The following DLG2 variants were observed in gnomAD, a reference collection of about 807,000 sequenced individuals.
DLG2 encodes the protein disks large homolog 2.
A neutral mutation model predicts 132.5 loss-of-function variants in DLG2; 45 were observed. The observed-to-expected ratio is 0.34, with a 90% CI of 0.27 to 0.44. The LOEUF (loss-of-function observed/expected upper bound fraction) is 0.44, where lower values mean the gene tolerates loss of function less well. Ranked by LOEUF, DLG2 falls within the 20% of genes least tolerant of loss-of-function variation. DLG2 has a pLI of 1.00. For missense variants in DLG2, 1,045 were observed against 1,196.9 expected (o/e 0.87, Z 1.87); for synonymous variants, 424 against 419.6 (o/e 1.01, Z -0.13).
chr11:84,236,239 A>C (rs1460322428), intron 8 of DLG2, among the ~76,000 whole-genome samples: 1 of 152,244 alleles, frequency 6.6e-6, no homozygotes, highest in East Asian at 1.9e-4. Context: ...CCATCGAATA[A>C]ACCTGAGTTA....
chr11:84,051,535 A>T (rs181211379), intron 11 of DLG2, among the ~76,000 whole-genome samples: 1 of 150,702 alleles, frequency 6.6e-6, no homozygotes, highest in Admixed American at 6.6e-5. Context: ...CAAAATACCA[A>T]ACACTGCATG....
chr11:84,163,842 A>G (rs1377081774), intron 8 of DLG2, among the ~76,000 whole-genome samples: 3 of 152,214 alleles, frequency 2.0e-5, no homozygotes, highest in Non-Finnish European at 2.9e-5. Context: ...AATTATGAGG[A>G]AAATAATTTT....
chr11:85,416,305 C>G (rs1257892239), intron 3 of DLG2, among the ~76,000 whole-genome samples: 1 of 152,092 alleles, frequency 6.6e-6, no homozygotes, highest in East Asian at 1.9e-4. Context: ...GTCTATACAT[C>G]TGTTTTGGTA....
intron 3 of DLG2, among the ~76,000 whole-genome samples, chr11:85,590,636 T>C (rs925267992): frequency 3.3e-5 from 5 of 150,354 alleles, no homozygotes; most frequent in Admixed American, 3.3e-4. Context: ...TTTTATATTC[T>C]CTCTCTCTCT....
chr11:83,583,977 T>C (rs1267605142), intron 19 of DLG2, among the ~76,000 whole-genome samples: 1 of 152,222 alleles, frequency 6.6e-6, no homozygotes, highest in African/African-American at 2.4e-5. Context: ...ATCTGTATTT[T>C]TTTTCTATAA....
At chr11:84,579,508 C>T (rs1033380519) in intron 6 of DLG2, among the ~76,000 whole-genome samples, 2 of 152,044 alleles carry the variant, frequency 1.3e-5, no homozygotes, top group Admixed American at 1.3e-4. Context: ...AGAGGGAGAA[C>T]ATTTCAAGAA....
intron 6 of DLG2, among the ~76,000 whole-genome samples, chr11:85,073,506 G>T (rs539437846): frequency 3.3e-5 from 5 of 151,964 alleles, no homozygotes; most frequent in East Asian, 3.9e-4. Flanking sequence ...AATGGTGGTA[G>T]TAAGTATTGT....
At chr11:85,340,194 G>A (rs2082389716) in intron 3 of DLG2, among the ~76,000 whole-genome samples, 1 of 152,172 alleles carries the variant, frequency 6.6e-6, no homozygotes, top group African/African-American at 2.4e-5. Flanking sequence ...GCACACATAT[G>A]TTTATTGTGG....
At chr11:84,640,988 T>A (rs531124707) in intron 6 of DLG2, among the ~76,000 whole-genome samples, 2 of 152,040 alleles carry the variant, frequency 1.3e-5, no homozygotes, top group Admixed American at 1.3e-4. Flanking sequence ...ACTATTGATT[T>A]GGAAAATTTT....
intron 14 of DLG2, among the ~76,000 whole-genome samples, chr11:83,959,838 A>G (rs879683637): frequency 8.5e-5 from 13 of 152,116 alleles, no homozygotes; most frequent in Non-Finnish European, 1.3e-4. Flanking sequence ...GAATTTTTTA[A>G]TCTGTAAAAA....
chr11:85,401,117 G>A (rs761349841), intron 3 of DLG2, among the ~76,000 whole-genome samples: 34 of 151,910 alleles, frequency 2.2e-4, no homozygotes, highest in Non-Finnish European at 4.3e-4. Context: ...AAATCCAGCA[G>A]CACATCAAAA....
chr11:83,661,043 T>C (rs1457950004), intron 18 of DLG2, among the ~76,000 whole-genome samples: 1 of 152,156 alleles, frequency 6.6e-6, no homozygotes, highest in Non-Finnish European at 1.5e-5. Context: ...ATCATGTTCT[T>C]TGCATGATGC....
intron 9 of DLG2, among the ~76,000 whole-genome samples, chr11:84,115,066 C>T: frequency 6.6e-6 from 1 of 152,042 alleles, no homozygotes; most frequent in Non-Finnish European, 1.5e-5. Flanking sequence ...AATGCAAGGC[C>T]CATTGGCAGT....
At chr11:84,257,727 T>C (rs932933426) in intron 7 of DLG2, among the ~76,000 whole-genome samples, 12 of 146,648 alleles carry the variant, frequency 8.2e-5, no homozygotes, top group African/African-American at 3.0e-4. Context: ...TACCTTGTCA[T>C]GCAGGCTGGA....
intron 6 of DLG2, among the ~76,000 whole-genome samples, chr11:84,819,984 G>T (rs114340667): frequency 0.024 from 3,646 of 150,990 alleles, 164 homozygotes; most frequent in African/African-American, 0.085. Context: ...AGGATTTCCA[G>T]GAAAAATTCT....
chr11:84,738,898 A>G (rs1056928978), intron 6 of DLG2, among the ~76,000 whole-genome samples: 7 of 152,214 alleles, frequency 4.6e-5, no homozygotes, highest in African/African-American at 7.2e-5. Flanking sequence ...CAAGATATAT[A>G]TGTAAAACCT....
intron 4 of DLG2, among the ~76,000 whole-genome samples, chr11:85,201,672 C>T (rs912670852): frequency 6.6e-6 from 1 of 151,634 alleles, no homozygotes; most frequent in African/African-American, 2.4e-5. Flanking sequence ...TACCTATTTC[C>T]TCAATTTGCA....
intron 22 of DLG2, among the ~76,000 whole-genome samples, chr11:83,473,421 C>G (rs1279200573): frequency 2.0e-5 from 3 of 152,146 alleles, no homozygotes; most frequent in Non-Finnish European, 4.4e-5. Context: ...AGTAAAATGT[C>G]AGCCCCTCCA....
At chr11:85,533,978 GTTTT>G (rs1364144466) in intron 3 of DLG2, among the ~76,000 whole-genome samples, 3 of 152,032 alleles carry the variant, frequency 2.0e-5, no homozygotes, top group Non-Finnish European at 4.4e-5. Context: ...TTGCTCTCTG[GTTTT>G]TTGTTTTTTG....
Sources: allele counts gnomAD v4.1 joint callset (sites outside exome capture counted in the v4.1 genomes callset), GRCh38; gene constraint gnomAD v4.1.1; transcripts MANE v1.5; gene names NCBI Gene and HGNC (gene_info 2026-07-23, HGNC 2026-07-21).